Variants in GRM1 observed in about 807,000 individuals in gnomAD.
GRM1 encodes the protein metabotropic glutamate receptor 1.
GRM1 carries 33 observed loss-of-function variants against 90.9 expected under a neutral mutation model. The observed-to-expected ratio is 0.36, with a 90% confidence interval of 0.28 to 0.49. The LOEUF (loss-of-function observed/expected upper bound fraction) is 0.49. Ranked by LOEUF, GRM1 falls within the 20% of genes least tolerant of loss-of-function variation. The pLI, the probability that GRM1 is intolerant of heterozygous loss-of-function variation, is 0.99. For missense variants in GRM1, 1,190 were observed against 1,534.3 expected, an observed-to-expected ratio of 0.78 and a Z score of 3.75; for synonymous variants, 700 against 613.2, an observed-to-expected ratio of 1.14 and a Z score of -2.09.
chr6:146,232,948 G>A (rs1377713366), intron 2 of GRM1, among the ~76,000 whole-genome samples: 1 of 151,780 alleles, frequency 6.6e-6, no homozygotes, highest in Non-Finnish European at 1.5e-5. Flanking sequence ...CTTTCATTCT[G>A]TAGAGTTTAG....
At chr6:146,303,272 G>A in intron 2 of GRM1, among the ~76,000 whole-genome samples, 1 of 152,126 alleles carries the variant, frequency 6.6e-6, no homozygotes, top group Non-Finnish European at 1.5e-5. Context: ...CTTTGGCAGA[G>A]ACTGCATCTT....
At chr6:146,147,677 A>G (rs1312265434) in intron 1 of GRM1, among the ~76,000 whole-genome samples, 10 of 152,306 alleles carry the variant, frequency 6.6e-5, no homozygotes, top group Admixed American at 5.9e-4. Flanking sequence ...GAAGTCCTCT[A>G]TGAGCCAGCC....
At chr6:146,362,898 A>G (rs1775543312) in intron 5 of GRM1, among the ~76,000 whole-genome samples, 1 of 152,158 alleles carries the variant, frequency 6.6e-6, no homozygotes, top group African/African-American at 2.4e-5. Flanking sequence ...AGCAAAGGGA[A>G]CATGATCATT....
chr6:146,267,980 A>G (rs1781982339), intron 2 of GRM1, among the ~76,000 whole-genome samples: 2 of 152,004 alleles, frequency 1.3e-5, no homozygotes, highest in African/African-American at 2.4e-5. Flanking sequence ...GTTGAATGAT[A>G]TTTCTGCCTC....
At chr6:146,151,456 G>C (rs1341114352) in intron 1 of GRM1, among the ~76,000 whole-genome samples, 1 of 152,176 alleles carries the variant, frequency 6.6e-6, no homozygotes, top group African/African-American at 2.4e-5. Context: ...ATGGAGCTCA[G>C]ATGGTTTTAA....
chr6:146,120,849 T>C lies in GRM1; in HGVS notation c.701-38499T>C, dbSNP rs561845056. ...CTGGATTCAGTTTGCCAGTATTTTA[T>C]TGAGGATTTTTGCATCGATGTTCAT... On this transcript the variant is annotated intron_variant, in intron 1 of 7. Transcript: ENST00000282753. Among the ~76,000 whole-genome samples the C allele has an allele frequency of 2.0e-5, 3 of 152,344 alleles. No homozygotes were observed. In the East Asian group the frequency reaches 5.8e-4, roughly 29 times the overall value.
intron 7 of GRM1, among the ~76,000 whole-genome samples, chr6:146,421,041 A>G (rs1777972126): frequency 6.6e-6 from 1 of 152,200 alleles, no homozygotes; most frequent in South Asian, 2.1e-4. Context: ...AATTTTAAAA[A>G]TGTCTAAAAA....
At chr6:146,408,848 T>A (rs1777453773) in intron 7 of GRM1, among the ~76,000 whole-genome samples, 1 of 152,208 alleles carries the variant, frequency 6.6e-6, no homozygotes, top group South Asian at 2.1e-4. Context: ...TAGTGTCCAG[T>A]GTAAAGTGTT....
At chr6:146,036,551 T>A (rs1316459461) in intron 1 of GRM1, among the ~76,000 whole-genome samples, 1 of 152,012 alleles carries the variant, frequency 6.6e-6, no homozygotes, top group South Asian at 2.1e-4. Context: ...TGAGAAATTA[T>A]AATTTTAATT....
intron 1 of GRM1, among the ~76,000 whole-genome samples, chr6:146,105,266 T>A (rs1777189022): frequency 6.6e-6 from 1 of 152,202 alleles, no homozygotes; most frequent in African/African-American, 2.4e-5. Context: ...GTGAATTATT[T>A]CTTTTGTATG....
At chr6:146,298,143 C>T (rs953808635) in intron 2 of GRM1, among the ~76,000 whole-genome samples, 4 of 152,132 alleles carry the variant, frequency 2.6e-5, no homozygotes, top group Non-Finnish European at 5.9e-5. Flanking sequence ...ATTTTATAAA[C>T]CCCTAACTTC....
At position 146,352,500 on chromosome 6, in the gene GRM1, A is replaced by G; in HGVS notation, c.1433+4A>G. 1.2e-6 allele frequency: 2 copies of G among 1,613,484 alleles called. No homozygotes were observed. Among genetic ancestry groups the G allele is most frequent in the Middle Eastern group, 1.7e-4 (1 of 6,054 alleles). On this transcript the variant is annotated splice_donor_region_variant and intron_variant, in intron 4 of 7. Transcript: ENST00000282753. ...AGAAAGGAGACGCTCCTGGAAGGTA[A>G]TCTTTTCAGTAATCAATCTAAGTAA...
At chr6:146,086,690 C>A (rs886180019) in intron 1 of GRM1, among the ~76,000 whole-genome samples, 5 of 152,002 alleles carry the variant, frequency 3.3e-5, no homozygotes, top group Admixed American at 6.6e-5. Flanking sequence ...CTCCTTTTCC[C>A]AGTACCAACA....
intron 2 of GRM1, among the ~76,000 whole-genome samples, chr6:146,184,213 AG>A (rs1183969593): frequency 1.3e-5 from 2 of 152,146 alleles, no homozygotes; most frequent in Admixed American, 1.3e-4. Flanking sequence ...AAAAAGACAG[AG>A]GGGGAGATAA....
intron 2 of GRM1, among the ~76,000 whole-genome samples, chr6:146,244,801 A>G (rs1434772050): frequency 6.6e-6 from 1 of 152,170 alleles, no homozygotes; most frequent in Non-Finnish European, 1.5e-5. Context: ...GCAAGCTCTC[A>G]TTTATTTACT....
chr6:146,207,673 A>T (rs1779541514), intron 2 of GRM1, among the ~76,000 whole-genome samples: 1 of 152,056 alleles, frequency 6.6e-6, no homozygotes, highest in African/African-American at 2.4e-5. Context: ...CACCACCCAA[A>T]CCCCATCTTT....
At chr6:146,215,739 C>A (rs934030475) in intron 2 of GRM1, among the ~76,000 whole-genome samples, 24 of 151,726 alleles carry the variant, frequency 1.6e-4, no homozygotes, top group Admixed American at 7.2e-4. Context: ...AATATATATA[C>A]CTATTGTGTA....
intron 2 of GRM1, among the ~76,000 whole-genome samples, chr6:146,272,460 T>G (rs1020995970): frequency 6.6e-6 from 1 of 152,224 alleles, no homozygotes; most frequent in African/African-American, 2.4e-5. Context: ...TCAAAGTCTG[T>G]CTTTTATAGT....
At chr6:146,032,895 G>A (rs935748326) in intron 1 of GRM1, among the ~76,000 whole-genome samples, 5 of 152,054 alleles carry the variant, frequency 3.3e-5, no homozygotes, top group African/African-American at 1.2e-4. Context: ...TTTTTGAATG[G>A]TACAGTTGTT....
Sources: allele counts gnomAD v4.1 joint callset (sites outside exome capture counted in the v4.1 genomes callset), GRCh38; gene constraint gnomAD v4.1.1; transcripts MANE v1.5; gene names NCBI Gene and HGNC (gene_info 2026-07-23, HGNC 2026-07-21).